The following LRRC63 variants were observed in gnomAD, a reference collection of about 807,000 sequenced individuals.
LRRC63 encodes the protein leucine-rich repeat-containing protein 63.
A neutral mutation model predicts 49.5 loss-of-function variants in LRRC63; 40 were observed. The ratio of observed to expected loss-of-function variants is 0.81; its 90% CI spans 0.63 to 1.05. The LOEUF (loss-of-function observed/expected upper bound fraction) is 1.05, where lower values mean the gene tolerates loss of function less well. Among genes scored for constraint, LRRC63 ranks in the 50% least tolerant of loss-of-function variants. The pLI is 0.00. For missense variants in LRRC63, 636 were observed against 663.1 expected, an observed-to-expected ratio of 0.96 and a Z score of 0.45; for synonymous variants, 191 against 221.1, an observed-to-expected ratio of 0.86 and a Z score of 1.21.
chr13:46,226,822 A>C (rs984378519), intron 2 of LRRC63, among the ~76,000 whole-genome samples: 1 of 152,162 alleles, frequency 6.6e-6, no homozygotes, highest in Non-Finnish European at 1.5e-5. Flanking sequence ...TAATGAATCT[A>C]TTATCTCCTC....
At chr13:46,260,507 A>G (rs1231040024) in intron 7 of LRRC63, among the ~76,000 whole-genome samples, 1 of 152,186 alleles carries the variant, frequency 6.6e-6, no homozygotes, top group East Asian at 1.9e-4. Flanking sequence ...GTATAGAAAT[A>G]TGAAATTGAA....
intron 7 of LRRC63, among the ~76,000 whole-genome samples, chr13:46,259,295 G>T (rs1436777884): frequency 2.0e-5 from 3 of 150,906 alleles, no homozygotes; most frequent in South Asian, 4.2e-4. Context: ...TTGTAGAAAA[G>T]ATAAAAAAGG....
chr13:46,223,487 T>G (rs1023982438), intron 2 of LRRC63, among the ~76,000 whole-genome samples: 9 of 148,986 alleles, frequency 6.0e-5, no homozygotes, highest in Admixed American at 2.7e-4. Flanking sequence ...TTTTTTTGTT[T>G]TTTTTTTTTT....
At chr13:46,235,620 A>C (rs1260316941) in intron 5 of LRRC63, among the ~76,000 whole-genome samples, 2 of 151,172 alleles carry the variant, frequency 1.3e-5, no homozygotes, top group Admixed American at 1.3e-4. Flanking sequence ...GGAATATGCA[A>C]AAAAAAATGC....
At chr13:46,264,910 A>G (rs999725179) in intron 8 of LRRC63, among the ~76,000 whole-genome samples, 1 of 152,048 alleles carries the variant, frequency 6.6e-6, no homozygotes, top group South Asian at 2.1e-4. Flanking sequence ...TAATCCTAGC[A>G]CTTTGGGAGG....
At chr13:46,214,226 A>G (rs2046180716) in intron 2 of LRRC63, among the ~76,000 whole-genome samples, 1 of 152,190 alleles carries the variant, frequency 6.6e-6, no homozygotes, top group South Asian at 2.1e-4. Flanking sequence ...TACCTAGTCT[A>G]TAACTTGATT....
intron 7 of LRRC63, among the ~76,000 whole-genome samples, chr13:46,253,934 G>A (rs913464239): frequency 6.6e-6 from 1 of 152,100 alleles, no homozygotes; most frequent in Non-Finnish European, 1.5e-5. Flanking sequence ...TTGTGCTGGA[G>A]ATATTTCTGG....
chr13:46,211,954 C>G (rs918062685), exon 1 of LRRC63: 24 of 152,610 alleles, frequency 1.6e-4, no homozygotes, highest in Admixed American at 1.3e-3. Flanking sequence ...TAGCGGACCC[C>G]GGTTGCTAGG....
chr13:46,266,303 A>G (rs1276375183), intron 8 of LRRC63, among the ~76,000 whole-genome samples: 1 of 152,254 alleles, frequency 6.6e-6, no homozygotes, highest in African/African-American at 2.4e-5. Context: ...GTCAAAGCAC[A>G]AAATAGCACA....
In LRRC63 at chr13:46,227,682, A is replaced by G. The variant is rs770297296; in HGVS notation, c.256A>G (p.Ile86Val). ...CTGTGTACAAGAAAGAGTGACTGCAATTTCATCACCCCAGAAATCTACTAA... is the reference window on the plus strand; with the variant it reads ...CTGTGTACAAGAAAGAGTGACTGCAGTTTCATCACCCCAGAAATCTACTAA... The change falls in exon 3 of 10, where the codon ATT becomes GTT. Residue 86 changes from isoleucine (I) to valine (V), a missense_variant. By Grantham distance (29) the Ile-to-Val change is conservative. Coordinates refer to ENST00000595396, the Ensembl canonical transcript of LRRC63. The G allele has an allele frequency of 9.5e-5, 148 of 1,550,268 alleles. 1 individual carries two copies. Among genetic ancestry groups the G allele is most frequent in the Non-Finnish European group, 1.2e-4 (139 of 1,146,948 alleles).
intron 8 of LRRC63, among the ~76,000 whole-genome samples, 182 bp downstream of exon 8, chr13:46,262,174 C>T (rs1000695029): frequency 2.2e-5 from 3 of 134,258 alleles, no homozygotes; most frequent in Admixed American, 2.2e-4. Flanking sequence ...CATAACATTT[C>T]CAGAAATTAT....
intron 2 of LRRC63, among the ~76,000 whole-genome samples, chr13:46,223,264 A>T (rs968452690): frequency 1.3e-5 from 2 of 152,096 alleles, no homozygotes; most frequent in Admixed American, 6.5e-5. Flanking sequence ...TCCTTTCCCC[A>T]GTGTCAGTTC....
At chr13:46,253,686 G>A (rs17067897) in intron 7 of LRRC63, among the ~76,000 whole-genome samples, 2,321 of 152,222 alleles carry the variant, frequency 0.015, 76 homozygotes, top group African/African-American at 0.052. Flanking sequence ...GTGAGGTTTA[G>A]GAGTTGGATA....
chr13:46,257,710 A>G (rs766668926), intron 7 of LRRC63, among the ~76,000 whole-genome samples: 1 of 152,204 alleles, frequency 6.6e-6, no homozygotes, highest in Non-Finnish European at 1.5e-5. Flanking sequence ...ACAGTATTTT[A>G]TTAAATAAAA....
chr13:46,276,097 A>G (rs1477484810), intron 9 of LRRC63, among the ~76,000 whole-genome samples: 1 of 152,114 alleles, frequency 6.6e-6, no homozygotes, highest in Non-Finnish European at 1.5e-5. Context: ...ACTAATGTTA[A>G]TGTACTAATG....
intron 3 of LRRC63, among the ~76,000 whole-genome samples, chr13:46,228,430 A>C (rs1594027720): frequency 6.6e-6 from 1 of 152,250 alleles, no homozygotes; most frequent in Non-Finnish European, 1.5e-5. Flanking sequence ...CAACAAGGGA[A>C]TTCAAAGGAT....
intron 9 of LRRC63, among the ~76,000 whole-genome samples, chr13:46,269,411 G>C (rs773538481): frequency 6.6e-6 from 1 of 152,092 alleles, no homozygotes; most frequent in Non-Finnish European, 1.5e-5. Flanking sequence ...CTGTGGATCA[G>C]TAGTGAAAGA....
chr13:46,223,039 C>T (rs1312727458), intron 2 of LRRC63, among the ~76,000 whole-genome samples: 3 of 121,114 alleles, frequency 2.5e-5, no homozygotes, highest in African/African-American at 3.4e-5. Flanking sequence ...GGAAGGGGAA[C>T]ATCACACTCT....
At position 46,276,844 on chromosome 13, in the gene LRRC63, A is replaced by T. The variant is rs772918940; in HGVS notation, c.*41A>T. 80 of 148,028 alleles carry T rather than the reference A, an allele frequency of 5.4e-4. 5 individuals are homozygous for T. Among genetic ancestry groups the T allele is most frequent in the Non-Finnish European group, 9.3e-4 (72 of 77,664 alleles). The allele number at this position is 148,028 out of a possible 1,614,324, so 9.2% of individuals were successfully genotyped here. On this transcript the variant is annotated 3_prime_UTR_variant, in exon 10 of 10. Transcript: ENST00000595396. ...TATGTGTGTGTATATATATATATAT[A>T]TATATATTTATATATATATATATTT...
Sources: allele counts gnomAD v4.1 joint callset (sites outside exome capture counted in the v4.1 genomes callset), GRCh38; gene constraint gnomAD v4.1.1; transcripts MANE v1.5; gene names NCBI Gene and HGNC (gene_info 2026-07-23, HGNC 2026-07-21).